Variants in ZNRF1 observed in about 807,000 individuals in gnomAD.
ZNRF1 encodes E3 ubiquitin-protein ligase ZNRF1.
ZNRF1 carries 3 observed loss-of-function variants against 18.4 expected under a neutral mutation model. The observed-to-expected ratio is 0.16, with a 90% CI of 0.07 to 0.42. The LOEUF is 0.42. ZNRF1 is among the 10% of genes least tolerant of loss of function. The probability of loss-of-function intolerance (pLI) is 0.99; values close to 1 mark genes in which losing one functional copy is unlikely to be tolerated. For synonymous variants in ZNRF1, 157 were observed against 144.2 expected (o/e 1.09, Z -0.64); for missense variants, 310 against 329.8 (o/e 0.94, Z 0.47).
chr16:75,106,644 G>A (rs2036319767), intron 4 of ZNRF1, 73 bp downstream of exon 4: 1 of 1,268,482 alleles, frequency 7.9e-7, no homozygotes, highest in Non-Finnish European at 1.1e-6. Context: ...GCAGTTTAGG[G>A]AGCCGGGCTG....
intron 1 of ZNRF1, among the ~76,000 whole-genome samples, chr16:75,082,613 G>A (rs1177952152): frequency 6.6e-6 from 1 of 152,076 alleles, no homozygotes; most frequent in African/African-American, 2.4e-5. Context: ...GAGTACAATG[G>A]CCCAATCAAG....
At chr16:75,107,649 G>A in intron 4 of ZNRF1, 84 bp from the exon 5 acceptor site, 2 of 454,216 alleles carry the variant, frequency 4.4e-6, no homozygotes, top group East Asian at 7.0e-5. Flanking sequence ...AGCCCCGCCT[G>A]CCCTCTTGGG....
At chr16:75,037,410 G>A (rs1037174487) in intron 1 of ZNRF1, among the ~76,000 whole-genome samples, 23 of 152,188 alleles carry the variant, frequency 1.5e-4, no homozygotes, top group Middle Eastern at 3.4e-3. Context: ...GGACAGTGGC[G>A]CAATCTAGTC....
chr16:75,059,229 C>CTTTTTTTTTTTTTTTTTTTTTTTT (rs35291578), intron 1 of ZNRF1, among the ~76,000 whole-genome samples: 7 of 92,916 alleles, frequency 7.5e-5, no homozygotes, highest in Admixed American at 1.4e-4. Flanking sequence ...TTCTTTCTTT[C>CTTTTTTTTTTTTTTTTTTTTTTTT]TTTTTTTTTT....
chr16:75,068,189 A>T (rs1410566213), intron 1 of ZNRF1, among the ~76,000 whole-genome samples: 1 of 5,594 alleles, frequency 1.8e-4, no homozygotes, highest in Non-Finnish European at 8.5e-3. Context: ...ACCTTGTCTT[A>T]AAAAAAAAAA....
intron 4 of ZNRF1, chr16:75,107,229 A>C (rs535487238): frequency 1.1e-4 from 19 of 173,680 alleles, no homozygotes; most frequent in African/African-American, 3.6e-4. Context: ...CTTGCTGCCA[A>C]CCATCCACCC....
intron 1 of ZNRF1, among the ~76,000 whole-genome samples, chr16:75,050,904 AAC>A (rs2035591461): frequency 7.8e-6 from 1 of 128,492 alleles, no homozygotes; most frequent in African/African-American, 3.0e-5. Context: ...AAAAACAAAA[AAC>A]TTGTAGCCAG....
intron 1 of ZNRF1, among the ~76,000 whole-genome samples, chr16:75,077,873 T>C (rs942332100): frequency 6.6e-6 from 1 of 152,212 alleles, no homozygotes; most frequent in Non-Finnish European, 1.5e-5. Context: ...GCTTCCATAG[T>C]CATGTCTTCT....
At chr16:75,000,180 G>C in intron 1 of ZNRF1, 85 bp downstream of exon 1, 1 of 1,517,230 alleles carries the variant, frequency 6.6e-7, no homozygotes, top group Non-Finnish European at 8.9e-7. Context: ...GTTTGGGAAT[G>C]TAGTGCACGA....
At chr16:75,062,709 G>C (rs2035758375) in intron 1 of ZNRF1, among the ~76,000 whole-genome samples, 1 of 152,230 alleles carries the variant, frequency 6.6e-6, no homozygotes, top group Admixed American at 6.5e-5. Flanking sequence ...GGCTCATATG[G>C]GGTGGGGCTG....
chr16:75,061,434 A>G (rs1396400150), intron 1 of ZNRF1, among the ~76,000 whole-genome samples: 1 of 151,904 alleles, frequency 6.6e-6, no homozygotes, highest in East Asian at 1.9e-4. Context: ...GGCTTATTTC[A>G]CTTAACATAA....
At position 75,071,098 on chromosome 16, in the gene ZNRF1, C is replaced by CTTT. The variant is rs56690008; in HGVS notation, c.425-22462_425-22460dup. Reference sequence around the variant, plus strand: ...AAACTAGAAGGTCAGGCACAGGTGTCTTTTTTTTTTTTTTCTTTTGAGACT... The same window carrying CTTT: ...AAACTAGAAGGTCAGGCACAGGTGTCTTTTTTTTTTTTTTTTTCTTTTGAGACT... On this transcript the variant is annotated intron_variant, in intron 1 of 4. Coordinates refer to ENST00000335325, the MANE Select transcript of ZNRF1 (RefSeq NM_032268.5). Among the ~76,000 whole-genome samples the CTTT allele has an allele frequency of 7.7e-5, 11 of 143,486 alleles. No homozygotes were observed. In the South Asian group the frequency reaches 1.1e-3, roughly 15 times the overall value. 94.1% of individuals were successfully genotyped at this position (143,486 alleles called of 152,430 possible). A position where few individuals can be genotyped will look rare whatever the true frequency, so the allele number is the denominator to read the frequency against.
At chr16:75,053,292 A>G (rs2035628454) in intron 1 of ZNRF1, among the ~76,000 whole-genome samples, 1 of 152,194 alleles carries the variant, frequency 6.6e-6, no homozygotes, top group African/African-American at 2.4e-5. Context: ...AGCTAAAAAC[A>G]TAAAAATCGC....
At chr16:75,024,976 G>A (rs993625428) in intron 1 of ZNRF1, among the ~76,000 whole-genome samples, 1 of 152,126 alleles carries the variant, frequency 6.6e-6, no homozygotes, top group African/African-American at 2.4e-5. Context: ...CATTATGCTT[G>A]TTTCACAACT....
chr16:75,077,988 G>T (rs1218671257), intron 1 of ZNRF1, among the ~76,000 whole-genome samples: 1 of 152,190 alleles, frequency 6.6e-6, no homozygotes, highest in Admixed American at 6.5e-5. Context: ...CGCCATGTAA[G>T]GTAAACATTC....
intron 1 of ZNRF1, among the ~76,000 whole-genome samples, chr16:75,015,495 A>T (rs1443672163): frequency 6.6e-6 from 1 of 152,172 alleles, no homozygotes; most frequent in African/African-American, 2.4e-5. Flanking sequence ...GAATCGTTTG[A>T]ACCTGGGAGG....
intron 1 of ZNRF1, among the ~76,000 whole-genome samples, chr16:75,082,271 C>G (rs1003118074): frequency 2.0e-5 from 3 of 152,096 alleles, no homozygotes; most frequent in African/African-American, 7.2e-5. Context: ...TCCTAAGCAG[C>G]CCTTTGAGGG....
intron 1 of ZNRF1, among the ~76,000 whole-genome samples, chr16:75,063,122 A>G (rs1043633020): frequency 3.3e-5 from 5 of 152,300 alleles, no homozygotes; most frequent in African/African-American, 9.6e-5. Context: ...CAAAGCTAAA[A>G]TTTTTGCAGA....
intron 1 of ZNRF1, among the ~76,000 whole-genome samples, chr16:75,046,505 C>T (rs558704776): frequency 2.0e-5 from 3 of 152,138 alleles, no homozygotes; most frequent in Admixed American, 2.0e-4. Flanking sequence ...GCTGCCTTGG[C>T]CTCCCAAAAT....
Sources: allele counts gnomAD v4.1 joint callset (sites outside exome capture counted in the v4.1 genomes callset), GRCh38; gene constraint gnomAD v4.1.1; transcripts MANE v1.5; gene names NCBI Gene and HGNC (gene_info 2026-07-23, HGNC 2026-07-21).